The following ATF7 variants were observed in gnomAD, a reference collection of about 807,000 sequenced individuals.
ATF7 encodes the protein activating transcription factor 7.
ATF7 carries 10 observed loss-of-function variants against 50.4 expected under a neutral mutation model. That is an observed-to-expected ratio of 0.20 (90% confidence interval 0.12 to 0.34). The LOEUF (loss-of-function observed/expected upper bound fraction) is 0.34, where lower values mean the gene tolerates loss of function less well. Ranked by LOEUF, ATF7 falls within the 10% of genes least tolerant of loss-of-function variation. The pLI is 1.00. For synonymous variants in ATF7, 201 were observed against 226.4 expected (o/e 0.89, Z 1.01); for missense variants, 465 against 613.9 (o/e 0.76, Z 2.56).
At chr12:53,555,064 G>A (rs186364628) in intron 2 of ATF7, among the ~76,000 whole-genome samples, 2 of 152,116 alleles carry the variant, frequency 1.3e-5, no homozygotes, top group Admixed American at 1.3e-4. Context: ...GCTCATGCTT[G>A]TAATCCCAGC....
At chr12:53,533,351 T>C (rs746251738) in intron 6 of ATF7, 92 bp from the exon 7 acceptor site, 68 of 1,098,534 alleles carry the variant, frequency 6.2e-5, no homozygotes, top group Non-Finnish European at 9.0e-5. Context: ...CAGTCTTCTC[T>C]AGTTAGGGAA....
At chr12:53,619,233 T>TAAGCCCAGCACTTTGGG (rs1311018729) in intron 1 of ATF7, among the ~76,000 whole-genome samples, 1 of 152,082 alleles carries the variant, frequency 6.6e-6, no homozygotes, top group Non-Finnish European at 1.5e-5. Context: ...GCTCACACTG[T>TAAGCCCAGCACTTTGGG]AAGCCCAGCA....
intron 2 of ATF7, among the ~76,000 whole-genome samples, chr12:53,597,500 T>C (rs1028987810): frequency 1.3e-5 from 2 of 152,146 alleles, no homozygotes; most frequent in Non-Finnish European, 2.9e-5. Context: ...AAGGTTCCTA[T>C]AGTTTTGTTT....
At chr12:53,577,062 C>T (rs546381720) in intron 2 of ATF7, among the ~76,000 whole-genome samples, 2 of 151,798 alleles carry the variant, frequency 1.3e-5, no homozygotes, top group Admixed American at 1.3e-4. Context: ...TCTCAAAAAA[C>T]AAAAAAGAAA....
rs111955338 is a variant in ATF7 at position 53,579,235 on chromosome 12, C to T, written c.48+21718G>A. Among the ~76,000 whole-genome samples the T allele has an allele frequency of 2.7e-3, 409 of 151,508 alleles. 3 individuals are homozygous for T. The highest frequency in any genetic ancestry group is 4.2e-3 in the Non-Finnish European group (285 of 67,876). ...CTCCAGCCTGGGAGACAGAGCAAGA[C>T]TCCATCTTAAAAAAAAGGGCCGGGT... On this transcript the variant is annotated intron_variant, in intron 2 of 11. Coordinates refer to ENST00000420353, the MANE Select transcript of ATF7 (RefSeq NM_006856.3).
chr12:53,565,149 C>A (rs1941378082), intron 2 of ATF7, among the ~76,000 whole-genome samples: 2 of 152,100 alleles, frequency 1.3e-5, no homozygotes, highest in Non-Finnish European at 2.9e-5. Flanking sequence ...TGGGTCAAGT[C>A]TTCTGCCAAG....
intron 4 of ATF7, 34 bp from the exon 5 acceptor site, chr12:53,537,586 C>G: frequency 6.8e-6 from 11 of 1,606,652 alleles, no homozygotes; most frequent in African/African-American, 1.3e-5. Flanking sequence ...GAGTTTAACC[C>G]TATGATTCCT....
intron 1 of ATF7, among the ~76,000 whole-genome samples, chr12:53,621,095 T>C (rs530498513): frequency 2.5e-4 from 38 of 152,358 alleles, no homozygotes; most frequent in African/African-American, 8.7e-4. Flanking sequence ...TCATTTTCTT[T>C]TTTGACAGGG....
chr12:53,594,505 T>C (rs1480742542), intron 2 of ATF7, among the ~76,000 whole-genome samples: 1 of 152,212 alleles, frequency 6.6e-6, no homozygotes, highest in Non-Finnish European at 1.5e-5. Context: ...ATCAACTACA[T>C]GTTTCTAAGG....
At chr12:53,599,532 G>T (rs1565587503) in intron 2 of ATF7, among the ~76,000 whole-genome samples, 1 of 151,770 alleles carries the variant, frequency 6.6e-6, no homozygotes, top group East Asian at 1.9e-4. Flanking sequence ...TGAAAACTTT[G>T]ACATGAAAGG....
intron 3 of ATF7, among the ~76,000 whole-genome samples, chr12:53,549,676 T>A (rs757830707): frequency 6.6e-6 from 1 of 152,102 alleles, no homozygotes; most frequent in Non-Finnish European, 1.5e-5. Flanking sequence ...GCCTCCCAGG[T>A]TCAAGTGATT....
At chr12:53,556,612 A>G (rs1234221863) in intron 2 of ATF7, among the ~76,000 whole-genome samples, 1 of 152,234 alleles carries the variant, frequency 6.6e-6, no homozygotes, top group Non-Finnish European at 1.5e-5. Context: ...AAACAACGAA[A>G]AAAACCAAAG....
intron 11 of ATF7, among the ~76,000 whole-genome samples, chr12:53,522,200 A>G (rs576964415): frequency 6.6e-6 from 1 of 152,178 alleles, no homozygotes; most frequent in Non-Finnish European, 1.5e-5. Flanking sequence ...AATGTACCCT[A>G]TATCCCAATG....
chr12:53,577,727 A>AG (rs1377884207), intron 2 of ATF7, among the ~76,000 whole-genome samples: 4 of 149,846 alleles, frequency 2.7e-5, no homozygotes, highest in East Asian at 1.9e-4. Context: ...GAAAAAAAAA[A>AG]AAAAGAAAGA....
rs562551383 is a variant in ATF7, at chr12:53,517,037, T to C, written c.*100A>G. On this transcript the variant is annotated 3_prime_UTR_variant, in exon 12 of 12. Transcript: ENST00000420353. ...CACAACACACAATTCCCCCCACCCA[T>C]ATTGCCATGTCCAAGGCAGATGGGA... is the stretch of plus-strand genomic sequence containing the variant. 2.3e-6 allele frequency: 3 copies of C among 1,290,318 alleles called. No individual in the cohort carries two copies. Among genetic ancestry groups the C allele is most frequent in the Admixed American group, 1.8e-5 (1 of 56,026 alleles). 79.9% of individuals were successfully genotyped at this position (1,290,318 alleles called of 1,614,324 possible). A position where few individuals can be genotyped will look rare whatever the true frequency, so the allele number is the denominator to read the frequency against.
At chr12:53,549,739 C>G (rs1339799753) in intron 3 of ATF7, among the ~76,000 whole-genome samples, 1 of 152,148 alleles carries the variant, frequency 6.6e-6, no homozygotes, top group Non-Finnish European at 1.5e-5. Context: ...GCGCTCGCCA[C>G]CACGCCTGGC....
In ATF7 at chr12:53,547,283, CTT is replaced by C. The variant is rs34610513; in HGVS notation, c.146-3837_146-3836del. ...ACAGGTGTGAGCCACCGTGCCCAGC[CTT>C]TTTTTTTTTTTTTTTTTTTGAGACA... On this transcript the variant is annotated intron_variant, in intron 3 of 11. Coordinates refer to ENST00000420353, the MANE Select transcript of ATF7 (RefSeq NM_006856.3). 2.9e-3 allele frequency among the ~76,000 whole-genome samples: 182 copies of C among 62,534 alleles called. No homozygotes were observed. In the East Asian group the frequency reaches 0.03, roughly 10 times the overall value. The allele number at this position is 62,534 out of a possible 152,430, so 41.0% of individuals were successfully genotyped here.
chr12:53,551,487 T>C (rs891410220), intron 3 of ATF7, among the ~76,000 whole-genome samples: 9 of 152,230 alleles, frequency 5.9e-5, no homozygotes, highest in Admixed American at 2.6e-4. Context: ...TTAGGGATCA[T>C]TGACGACAAT....
chr12:53,619,497 A>G (rs1944287360), intron 1 of ATF7, among the ~76,000 whole-genome samples: 2 of 150,624 alleles, frequency 1.3e-5, no homozygotes, highest in South Asian at 2.1e-4. Context: ...AAAAAAAAAA[A>G]AAAAAAGAAA....
Sources: allele counts gnomAD v4.1 joint callset (sites outside exome capture counted in the v4.1 genomes callset), GRCh38; gene constraint gnomAD v4.1.1; transcripts MANE v1.5; gene names NCBI Gene and HGNC (gene_info 2026-07-23, HGNC 2026-07-21).